Variants in PLAAT1 observed in about 807,000 individuals in gnomAD.
PLAAT1 encodes the protein phospholipase A and acyltransferase 1, also known as H-REV107 protein-related protein.
A neutral mutation model predicts 16.4 loss-of-function variants in PLAAT1; 13 were observed. The observed-to-expected ratio is 0.79, with a 90% CI of 0.52 to 1.26. PLAAT1 has a LOEUF of 1.26. PLAAT1 is among the 50% of genes most tolerant of loss of function. The pLI is 0.00. For synonymous variants in PLAAT1, 73 were observed against 78.4 expected, an observed-to-expected ratio of 0.93 and a Z score of 0.36; for missense variants, 218 against 207.8, an observed-to-expected ratio of 1.05 and a Z score of -0.30.
At chr3:193,257,672 T>C (rs186019737) in intron 2 of PLAAT1, among the ~76,000 whole-genome samples, 1 of 152,292 alleles carries the variant, frequency 6.6e-6, no homozygotes, top group East Asian at 1.9e-4. Context: ...AAAGTATTGT[T>C]CCTGGGTGTG....
downstream of PLAAT1, chr3:193,281,220 G>A (rs1339124655): frequency 3.0e-6 from 3 of 985,206 alleles, no homozygotes; most frequent in African/African-American, 1.7e-5. Flanking sequence ...CGCAGAAGCT[G>A]GGAAGAAGAG....
chr3:193,278,074 G>A (rs1183366636), downstream of PLAAT1, among the ~76,000 whole-genome samples: 1 of 152,166 alleles, frequency 6.6e-6, no homozygotes, highest in Non-Finnish European at 1.5e-5. Context: ...AGAGTGCAGG[G>A]ATTACAGGCA....
At chr3:193,270,223 C>G (rs1302261282) in intron 3 of PLAAT1, among the ~76,000 whole-genome samples, 2 of 152,144 alleles carry the variant, frequency 1.3e-5, no homozygotes, top group Non-Finnish European at 2.9e-5. Context: ...CTTTAAACAT[C>G]TTCGTGGAAT....
intron 2 of PLAAT1, among the ~76,000 whole-genome samples, chr3:193,260,982 G>A (rs955591799): frequency 1.3e-5 from 2 of 152,130 alleles, no homozygotes; most frequent in African/African-American, 4.8e-5. Flanking sequence ...TCTGGGTGGT[G>A]GGATAATGGG....
downstream of PLAAT1, chr3:193,275,155 C>T (rs1443104971): frequency 2.5e-6 from 4 of 1,614,034 alleles, no homozygotes; most frequent in Non-Finnish European, 2.5e-6. Context: ...CCATTTTTGC[C>T]ATCACCTGAA....
rs1019004039 is a variant in PLAAT1 at position 193,250,706 on chromosome 3, A to G, written c.1-4945A>G. On this transcript the variant is annotated intron_variant, in intron 1 of 3. Transcript: ENST00000264735. ...TGACTGCTCTCCTGTCTGAACAAGC[A>G]GAAATCTCACACCCTCCTGGCAGGG... Among the ~76,000 whole-genome samples the G allele has an allele frequency of 8.5e-5, 13 of 152,268 alleles. No homozygotes were observed. The East Asian group carries it at 1.7e-3, about 20-fold the overall frequency.
At chr3:193,249,932 C>T (rs929789616) in intron 1 of PLAAT1, among the ~76,000 whole-genome samples, 1 of 151,896 alleles carries the variant, frequency 6.6e-6, no homozygotes, top group Admixed American at 6.6e-5. Context: ...GTTATGACTG[C>T]CCTTTTGAAT....
At chr3:193,267,753 G>A (rs1224041590) in intron 3 of PLAAT1, among the ~76,000 whole-genome samples, 1 of 152,112 alleles carries the variant, frequency 6.6e-6, no homozygotes, top group Non-Finnish European at 1.5e-5. Flanking sequence ...AGATCATATG[G>A]TTAGAATATT....
chr3:193,242,417 G>A (rs528364252), intron 1 of PLAAT1, among the ~76,000 whole-genome samples: 1 of 152,030 alleles, frequency 6.6e-6, no homozygotes, highest in East Asian at 1.9e-4. Context: ...GGGAGAAGGT[G>A]GCATCGACTT....
chr3:193,258,253 G>C (rs186712384), intron 2 of PLAAT1, among the ~76,000 whole-genome samples: 1 of 152,032 alleles, frequency 6.6e-6, no homozygotes, highest in African/African-American at 2.4e-5. Context: ...TTTGGGATGC[G>C]CCTAAATCAA....
At chr3:193,260,385 C>G (rs1716540656) in intron 2 of PLAAT1, among the ~76,000 whole-genome samples, 1 of 152,046 alleles carries the variant, frequency 6.6e-6, no homozygotes, top group Non-Finnish European at 1.5e-5. Context: ...AGCTTCTGCA[C>G]AGCAAAAGAA....
At chr3:193,262,947 CTA>C (rs1421557883) in intron 2 of PLAAT1, 21 bp from the exon 3 acceptor site, 1 of 1,612,378 alleles carries the variant, frequency 6.2e-7, no homozygotes, top group Non-Finnish European at 8.5e-7. Flanking sequence ...CTATACCTTA[CTA>C]ACCAGAATTC....
chr3:193,259,072 T>C (rs1716489690), intron 2 of PLAAT1, among the ~76,000 whole-genome samples: 1 of 152,190 alleles, frequency 6.6e-6, no homozygotes, highest in African/African-American at 2.4e-5. Flanking sequence ...GCTTTATTCC[T>C]GAGGTACAAG....
At position 193,255,722 on chromosome 3, in the gene PLAAT1, C is replaced by G. The variant is rs563532190; in HGVS notation, c.72C>G (p.Phe24Leu). Residue 24 changes from phenylalanine (F) to leucine (L), a missense_variant, in exon 2 of 4, where the codon TTC (phenylalanine) becomes TTG (leucine). Physicochemically the swap from Phe to Leu is conservative, Grantham distance 22 (BLOSUM62 0). Transcript: ENST00000264735. ...NPCPGDLIEV[F>L]RPGYQHWALY... ...GCCCAGGGGACTTGATCGAAGTGTT[C>G]CGTCCTGGCTATCAGCACTGGGCCC... The G allele has an allele frequency of 1.9e-6, 3 of 1,613,262 alleles. No homozygotes were observed. Among genetic ancestry groups the G allele is most frequent in the Non-Finnish European group, 2.5e-6 (3 of 1,179,552 alleles).
chr3:193,255,656 G>C lies in PLAAT1; in HGVS notation c.6G>C (p.Ala2=), dbSNP rs140325597. 5.6e-6 allele frequency: 9 copies of C among 1,606,338 alleles called. No individual in the cohort carries two copies. In the African/African-American group the frequency reaches 1.2e-4, roughly 22 times the overall value. The change falls in exon 2 of 4, where the codon GCG becomes GCC. Residue 2 remains alanine, a synonymous_variant. Coordinates refer to ENST00000264735, the MANE Select transcript of PLAAT1 (RefSeq NM_020386.5). M[A]FNDCFSLNYP... is the part of the protein sequence containing the mutation. The stretch of plus-strand genomic sequence containing the variant: ...CTTTGTATTTGTCATTGCAGATGGC[G>C]TTTAATGATTGCTTCAGTTTGAACT...
At chr3:193,258,071 T>G (rs1313108875) in intron 2 of PLAAT1, among the ~76,000 whole-genome samples, 3 of 152,190 alleles carry the variant, frequency 2.0e-5, no homozygotes, top group East Asian at 3.9e-4. Flanking sequence ...GACTTCACCT[T>G]GTGATCGTGT....
At chr3:193,278,571 G>A (rs148052342), downstream of PLAAT1, among the ~76,000 whole-genome samples, 249 of 152,222 alleles carry the variant, frequency 1.6e-3, no homozygotes, top group Non-Finnish European at 2.5e-3. Context: ...TCCTCTCTGC[G>A]TCTTAGGCTG....
At chr3:193,241,102 A>G (rs1446096249), upstream of PLAAT1, 1 of 794,928 alleles carries the variant, frequency 1.3e-6, no homozygotes, top group Non-Finnish European at 1.6e-6. Flanking sequence ...TCGGGGCGCG[A>G]GAAGGTGCAG....
rs534755267 is a variant in PLAAT1, at chr3:193,241,373, C to G, written c.-161C>G. ...TGGCGTTGGCCCTGGAGGACGGCCC[C>G]GAGTGATGGCTGGCGCCTGCCTCCC... On this transcript the variant is annotated 5_prime_UTR_variant, in exon 1 of 4. Coordinates refer to ENST00000264735, the MANE Select transcript of PLAAT1 (RefSeq NM_020386.5). The G allele has an allele frequency of 3.2e-6, 4 of 1,231,660 alleles. No homozygotes were observed. Among genetic ancestry groups the G allele is most frequent in the South Asian group, 8.2e-5 (2 of 24,320 alleles). The allele number at this position is 1,231,660 out of a possible 1,614,324, so 76.3% of individuals were successfully genotyped here.
Sources: gnomAD v4.1 joint callset for allele counts (sites outside exome capture counted in the v4.1 genomes callset) on GRCh38, gnomAD v4.1.1 for gene constraint, MANE v1.5 for transcripts, NCBI Gene and HGNC (gene_info 2026-07-23, HGNC 2026-07-21) for gene names.